The following SRGAP3 variants were observed in gnomAD, a reference collection of about 807,000 sequenced individuals.
SRGAP3 encodes the protein SLIT-ROBO Rho GTPase-activating protein 3.
A neutral mutation model predicts 121.1 loss-of-function variants in SRGAP3; 39 were observed. The ratio of observed to expected loss-of-function variants is 0.32; its 90% CI spans 0.25 to 0.42. The LOEUF (loss-of-function observed/expected upper bound fraction) is 0.42, where lower values mean the gene tolerates loss of function less well. SRGAP3 is among the 10% of genes least tolerant of loss of function. The pLI, the probability that SRGAP3 is intolerant of heterozygous loss-of-function variation, is 1.00. For missense variants in SRGAP3, 1,213 were observed against 1,470.6 expected, an observed-to-expected ratio of 0.82 and a Z score of 2.86; for synonymous variants, 601 against 570.0, an observed-to-expected ratio of 1.05 and a Z score of -0.77.
intron 9 of SRGAP3, among the ~76,000 whole-genome samples, chr3:9,050,721 T>A (rs986263828): frequency 3.3e-5 from 5 of 152,232 alleles, no homozygotes; most frequent in African/African-American, 4.8e-5. Flanking sequence ...TTGCTTCTAC[T>A]GCCAAAGTGA....
intron 1 of SRGAP3, among the ~76,000 whole-genome samples, chr3:9,166,934 G>A (rs1950808510): frequency 6.6e-6 from 1 of 151,936 alleles, no homozygotes; most frequent in African/African-American, 2.4e-5. Context: ...CAACTCCCAG[G>A]AACTGCCCTA....
chr3:9,121,232 G>A (rs1948993755), intron 2 of SRGAP3, among the ~76,000 whole-genome samples: 1 of 152,012 alleles, frequency 6.6e-6, no homozygotes, highest in Admixed American at 6.6e-5. Flanking sequence ...CTGACCCACT[G>A]CAATGGGAAT....
At chr3:8,993,992 T>C (rs1322222068) in intron 19 of SRGAP3, 4 of 370,532 alleles carry the variant, frequency 1.1e-5, no homozygotes, top group African/African-American at 2.1e-5. Context: ...CTCTGGAGTG[T>C]AGAACCGTAG....
chr3:9,353,007 G>A (rs2030280892), intron 1 of SRGAP3, among the ~76,000 whole-genome samples: 2 of 152,180 alleles, frequency 1.3e-5, no homozygotes, highest in African/African-American at 2.4e-5. Context: ...AGCCTATGTG[G>A]CTTTATCATC....
chr3:9,244,439 A>AC (rs1953753180), intron 1 of SRGAP3, among the ~76,000 whole-genome samples: 1 of 74,600 alleles, frequency 1.3e-5, no homozygotes, highest in Admixed American at 1.4e-4. Flanking sequence ...TGAATATGTA[A>AC]CAAAAAAAAA....
At chr3:9,005,303 T>C (rs1943007591) in intron 18 of SRGAP3, among the ~76,000 whole-genome samples, 1 of 152,134 alleles carries the variant, frequency 6.6e-6, no homozygotes, top group Admixed American at 6.5e-5. Flanking sequence ...TATGGATAAA[T>C]TGGAATCCTC....
chr3:9,123,882 G>C (rs1949120389), intron 2 of SRGAP3, among the ~76,000 whole-genome samples: 1 of 151,716 alleles, frequency 6.6e-6, no homozygotes, highest in African/African-American at 2.4e-5. Flanking sequence ...CTGATCTCCT[G>C]GTGTTGAGGG....
chr3:9,311,586 T>G (rs79565462), intron 3 of SRGAP3, among the ~76,000 whole-genome samples: 2,971 of 152,330 alleles, frequency 0.02, 70 homozygotes, highest in East Asian at 0.079. Context: ...ACAACTGTAT[T>G]TATGGACACT....
chr3:9,306,475 T>C (rs1955163799), intron 3 of SRGAP3, among the ~76,000 whole-genome samples: 1 of 152,212 alleles, frequency 6.6e-6, no homozygotes, highest in African/African-American at 2.4e-5. Flanking sequence ...GTTTTAGTCA[T>C]TGAAGTCCTT....
At chr3:9,187,324 C>T (rs1173204395) in intron 1 of SRGAP3, among the ~76,000 whole-genome samples, 3 of 152,150 alleles carry the variant, frequency 2.0e-5, no homozygotes, top group Non-Finnish European at 2.9e-5. Context: ...GGGGTACAGT[C>T]AGTGGACTAA....
chr3:9,271,424 C>G (rs570976686), intron 3 of SRGAP3, among the ~76,000 whole-genome samples: 1 of 152,356 alleles, frequency 6.6e-6, no homozygotes, highest in South Asian at 2.1e-4. Context: ...CATTATCTCA[C>G]CCCAGATCAT....
intron 1 of SRGAP3, among the ~76,000 whole-genome samples, chr3:9,183,767 AAC>A (rs62971361): frequency 0.086 from 12,779 of 148,098 alleles, 642 homozygotes; most frequent in Middle Eastern, 0.2. Flanking sequence ...CAAATTTGCT[AAC>A]ACACACACAC....
chr3:8,988,741 G>T (rs563630770), intron 21 of SRGAP3, among the ~76,000 whole-genome samples: 1 of 151,912 alleles, frequency 6.6e-6, no homozygotes, highest in South Asian at 2.1e-4. Flanking sequence ...CAGATGGGGG[G>T]TCAGGAGGAT....
At chr3:9,250,070 A>C (rs1311765403), upstream of SRGAP3, among the ~76,000 whole-genome samples, 1 of 152,214 alleles carries the variant, frequency 6.6e-6, no homozygotes, top group Non-Finnish European at 1.5e-5. Flanking sequence ...AGTTAAAGGC[A>C]TGCAGCTTAG....
chr3:9,086,225 T>C (rs987786461), intron 3 of SRGAP3, among the ~76,000 whole-genome samples: 2 of 152,044 alleles, frequency 1.3e-5, no homozygotes, highest in Admixed American at 1.3e-4. Flanking sequence ...GAGTACGTGC[T>C]CATTAAATAT....
intron 1 of SRGAP3, among the ~76,000 whole-genome samples, chr3:9,148,285 G>T (rs747510626): frequency 6.6e-6 from 1 of 152,136 alleles, no homozygotes; most frequent in Non-Finnish European, 1.5e-5. Context: ...ATCAACCCCA[G>T]CATTTCTCTG....
chr3:9,311,120 A>AG (rs1457542716), intron 3 of SRGAP3, among the ~76,000 whole-genome samples: 4 of 151,686 alleles, frequency 2.6e-5, no homozygotes, highest in African/African-American at 9.7e-5. Flanking sequence ...CAGTGAGCCC[A>AG]GGTTGCGTCA....
At chr3:9,148,140 T>A (rs1316212963) in intron 1 of SRGAP3, among the ~76,000 whole-genome samples, 6 of 151,986 alleles carry the variant, frequency 3.9e-5, no homozygotes. Context: ...ACCAAGGGCA[T>A]CAACTTCAGG....
intron 19 of SRGAP3, 190 bp downstream of exon 19, chr3:8,994,153 A>C: frequency 2.6e-6 from 2 of 758,410 alleles, no homozygotes; most frequent in Non-Finnish European, 4.3e-6. Context: ...AGAAGGAGGA[A>C]TTTGGATATC....
Sources: allele counts gnomAD v4.1 joint callset (sites outside exome capture counted in the v4.1 genomes callset), GRCh38; gene constraint gnomAD v4.1.1; transcripts MANE v1.5; gene names NCBI Gene and HGNC (gene_info 2026-07-23, HGNC 2026-07-21).